The following ZFHX4 variants were observed in gnomAD, a reference collection of about 807,000 sequenced individuals.
The protein encoded by ZFHX4 is zinc finger homeobox protein 4.
Under a neutral mutation model 267.6 loss-of-function variants are expected in ZFHX4, and 56 were observed. The ratio of observed to expected loss-of-function variants is 0.21; its 90% CI spans 0.17 to 0.26. The LOEUF is 0.26. Ranked by LOEUF, ZFHX4 falls within the 10% of genes least tolerant of loss-of-function variation. ZFHX4 has a pLI of 1.00. For synonymous variants in ZFHX4, 1,778 were observed against 1,665.6 expected, an observed-to-expected ratio of 1.07 and a Z score of -1.64; for missense variants, 4,332 against 4,420.0, an observed-to-expected ratio of 0.98 and a Z score of 0.56.
At chr8:76,729,688 T>G (rs771609558) in intron 3 of ZFHX4, among the ~76,000 whole-genome samples, 1 of 152,142 alleles carries the variant, frequency 6.6e-6, no homozygotes, top group Non-Finnish European at 1.5e-5. Context: ...AGATTCTAGC[T>G]CTTTGTTGTA....
At chr8:76,743,534 C>G (rs16939349) in intron 3 of ZFHX4, among the ~76,000 whole-genome samples, 254 of 152,286 alleles carry the variant, frequency 1.7e-3, no homozygotes, top group African/African-American at 5.9e-3. Flanking sequence ...CCTTAAAACT[C>G]CCAACTCTGG....
chr8:76,800,491 G>T (rs902997276), intron 4 of ZFHX4, among the ~76,000 whole-genome samples: 1 of 152,170 alleles, frequency 6.6e-6, no homozygotes, highest in African/African-American at 2.4e-5. Flanking sequence ...TTGACATGTT[G>T]TTCCTCACTC....
At chr8:76,702,486 T>C (rs1423096249) in intron 1 of ZFHX4, among the ~76,000 whole-genome samples, 1 of 152,174 alleles carries the variant, frequency 6.6e-6, no homozygotes, top group African/African-American at 2.4e-5. Context: ...TAAGAACATT[T>C]TAAAAGGGAT....
chr8:76,810,778 A>G (rs1774323985), intron 4 of ZFHX4, among the ~76,000 whole-genome samples: 1 of 152,222 alleles, frequency 6.6e-6, no homozygotes, highest in African/African-American at 2.4e-5. Flanking sequence ...AGGTATATTT[A>G]CTGCCAGTTC....
rs186077587 is a variant in ZFHX4 at position 76,733,138 on chromosome 8, G to A, written c.3093+25090G>A. On this transcript the variant is annotated intron_variant, in intron 3 of 10. Transcript: ENST00000651372. ...TTTCCAATGATTGTTCAGGGGTGGCGGTTTGGGGGATGGGATTGTACAAAG... is the reference window on the plus strand; with the variant it reads ...TTTCCAATGATTGTTCAGGGGTGGCAGTTTGGGGGATGGGATTGTACAAAG... Among the ~76,000 whole-genome samples, 61 of 152,216 alleles carry A rather than the reference G, an allele frequency of 4.0e-4. No homozygotes were observed. The East Asian group carries it at 0.011, about 28-fold the overall frequency.
chr8:76,840,186 CTG>C (rs894138211), intron 5 of ZFHX4, among the ~76,000 whole-genome samples: 4 of 152,102 alleles, frequency 2.6e-5, no homozygotes, highest in Admixed American at 2.6e-4. Context: ...AAGGAAGAAC[CTG>C]AAAAGAGAGA....
At chr8:76,722,189 A>G (rs1015648799) in intron 3 of ZFHX4, among the ~76,000 whole-genome samples, 2 of 152,060 alleles carry the variant, frequency 1.3e-5, no homozygotes, top group African/African-American at 4.8e-5. Context: ...GAACATTATC[A>G]TTGTGTAATT....
At chr8:76,771,221 C>A (rs1023303251) in intron 3 of ZFHX4, among the ~76,000 whole-genome samples, 1 of 152,106 alleles carries the variant, frequency 6.6e-6, no homozygotes, top group Non-Finnish European at 1.5e-5. Flanking sequence ...TGCTTCATTT[C>A]TCTTCACAGC....
At chr8:76,849,813 G>C (rs1812463892) in intron 8 of ZFHX4, 101 bp downstream of exon 8, 1 of 1,237,856 alleles carries the variant, frequency 8.1e-7, no homozygotes, top group Non-Finnish European at 1.1e-6. Flanking sequence ...TTTCTTCAGA[G>C]CTAATTAAAG....
At chr8:76,799,007 T>A (rs1811053198) in intron 4 of ZFHX4, among the ~76,000 whole-genome samples, 1 of 152,224 alleles carries the variant, frequency 6.6e-6, no homozygotes, top group South Asian at 2.1e-4. Flanking sequence ...AAAGTCATCT[T>A]TCTTTCATAT....
At chr8:76,744,865 G>A (rs372389810) in intron 3 of ZFHX4, among the ~76,000 whole-genome samples, 16 of 152,238 alleles carry the variant, frequency 1.1e-4, no homozygotes, top group South Asian at 4.1e-4. Context: ...TTCAGTATAC[G>A]TCCTGTGCTT....
In ZFHX4 at chr8:76,758,474, A is replaced by G. The variant is rs148948245; in HGVS notation, c.3094-19734A>G. Among the ~76,000 whole-genome samples, 418 of 152,150 alleles carry G rather than the reference A, an allele frequency of 2.7e-3. 2 individuals are homozygous for G. The highest frequency in any genetic ancestry group is 9.6e-3 in the African/African-American group (398 of 41,546). On this transcript the variant is annotated intron_variant, in intron 3 of 10. Coordinates refer to ENST00000651372, the MANE Select transcript of ZFHX4 (RefSeq NM_024721.5). ...TGGGTTTTTGGGCAAATGTTATCATAAAAGAGTTTTTTTGTTTGTTTGTTT... is the reference window on the plus strand; with the variant it reads ...TGGGTTTTTGGGCAAATGTTATCATGAAAGAGTTTTTTTGTTTGTTTGTTT...
intron 4 of ZFHX4, among the ~76,000 whole-genome samples, chr8:76,797,296 T>G (rs1344990660): frequency 6.6e-6 from 1 of 152,222 alleles, no homozygotes; most frequent in Non-Finnish European, 1.5e-5. Flanking sequence ...ATTATTGACC[T>G]TGCTGATAAA....
intron 4 of ZFHX4, among the ~76,000 whole-genome samples, chr8:76,809,884 T>C (rs940924778): frequency 1.3e-5 from 2 of 152,172 alleles, no homozygotes; most frequent in African/African-American, 4.8e-5. Flanking sequence ...TTGATTGATA[T>C]TTGACCAAAA....
chr8:76,820,726 G>T (rs935815261), intron 4 of ZFHX4, among the ~76,000 whole-genome samples: 1 of 152,204 alleles, frequency 6.6e-6, no homozygotes, highest in Non-Finnish European at 1.5e-5. Context: ...AAGTGTTTAT[G>T]TTCCATAGGG....
intron 4 of ZFHX4, among the ~76,000 whole-genome samples, chr8:76,827,409 A>C (rs1369127140): frequency 2.0e-5 from 3 of 152,190 alleles, no homozygotes; most frequent in Non-Finnish European, 2.9e-5. Flanking sequence ...CCACAGCCGC[A>C]GGGTTAGGGA....
In ZFHX4 at chr8:76,706,561, C is replaced by T. The variant is rs766899925; in HGVS notation, c.2473C>T (p.Leu825=). 6.2e-7 allele frequency: 1 copy of T among 1,612,470 alleles called. No homozygotes were observed. The highest frequency in any genetic ancestry group is 8.5e-7 in the Non-Finnish European group (1 of 1,179,368). Reference sequence around the variant, plus strand: ...GGAAGCAGAGCTTTATCAGTACTACCTAGCCCAGAACATAGGCCTGACCGG... The same window carrying T: ...GGAAGCAGAGCTTTATCAGTACTACTTAGCCCAGAACATAGGCCTGACCGG... ...PAEAELYQYY[L]AQNIGLTGMK... is the part of the protein sequence containing the mutation. Residue 825 remains leucine, a synonymous_variant, in exon 2 of 11, where the codon CTA becomes TTA. Coordinates refer to ENST00000651372, the MANE Select transcript of ZFHX4 (RefSeq NM_024721.5).
chr8:76,692,675 C>A (rs561476606), intron 1 of ZFHX4, among the ~76,000 whole-genome samples: 1 of 151,970 alleles, frequency 6.6e-6, no homozygotes, highest in Non-Finnish European at 1.5e-5. Flanking sequence ...TTTGAACCAC[C>A]TGGAAATGAA....
intron 4 of ZFHX4, among the ~76,000 whole-genome samples, chr8:76,812,984 G>A (rs1811415956): frequency 6.6e-6 from 1 of 152,132 alleles, no homozygotes; most frequent in African/African-American, 2.4e-5. Flanking sequence ...TGTGAGGCAA[G>A]AATTACATAC....
Sources: gnomAD v4.1 joint callset for allele counts (sites outside exome capture counted in the v4.1 genomes callset) on GRCh38, gnomAD v4.1.1 for gene constraint, MANE v1.5 for transcripts, NCBI Gene and HGNC (gene_info 2026-07-23, HGNC 2026-07-21) for gene names.